DERL1: variants seen among roughly 807,000 people sequenced by gnomAD.
DERL1 encodes derlin 1, also known as derlin-1.
In DERL1, 24 loss-of-function variants were observed where a neutral mutation model predicts 41.6. That is an observed-to-expected ratio of 0.58 (90% confidence interval 0.42 to 0.81). The LOEUF is 0.81. DERL1 is among the 30% of genes least tolerant of loss of function. The pLI, the probability that DERL1 is intolerant of heterozygous loss-of-function variation, is 0.00. For synonymous variants in DERL1, 124 were observed against 112.5 expected, an observed-to-expected ratio of 1.10 and a Z score of -0.65; for missense variants, 260 against 314.3, an observed-to-expected ratio of 0.83 and a Z score of 1.31.
At chr8:123,030,476 A>G in intron 2 of DERL1, 129 bp downstream of exon 2, 1 of 638,294 alleles carries the variant, frequency 1.6e-6, no homozygotes, top group Non-Finnish European at 2.7e-6. Flanking sequence ...TGGCACAGTC[A>G]CTAAGCATTT....
intron 7 of DERL1, chr8:123,018,966 A>G: frequency 1.9e-6 from 1 of 525,128 alleles, no homozygotes; most frequent in Non-Finnish European, 3.4e-6. Flanking sequence ...TAATGTTGGA[A>G]TCTAGTTGTC....
rs1262298284 is a variant in DERL1, at chr8:123,015,534, G to A, written c.669C>T (p.Pro223=). ...RRGGVSGFGV[P]PASMRRAADQ... The stretch of plus-strand genomic sequence containing the variant: ...CAGCAGCTCGCCTCATGCTAGCAGG[G>A]GGCACACCAAATCCTGATACTCCTC... Residue 223 remains proline (P), a synonymous_variant, in exon 8 of 8, where the codon CCC becomes CCT. Coordinates refer to ENST00000259512, the MANE Select transcript of DERL1 (RefSeq NM_024295.6). The A allele has an allele frequency of 1.9e-6, 3 of 1,612,496 alleles. No homozygotes were observed. Among genetic ancestry groups the A allele is most frequent in the Non-Finnish European group, 2.5e-6 (3 of 1,179,458 alleles).
intron 7 of DERL1, 180 bp downstream of exon 7, chr8:123,019,015 A>G: frequency 1.6e-6 from 1 of 632,306 alleles, no homozygotes; most frequent in Non-Finnish European, 2.9e-6. Context: ...AAGGCAACTG[A>G]GCCTAAGCTT....
In DERL1 at chr8:123,036,908, T is replaced by C. The variant is rs56000719; in HGVS notation, c.153+5062A>G. Among the ~76,000 whole-genome samples, 1,060 of 152,318 alleles carry C rather than the reference T, an allele frequency of 7.0e-3. 8 individuals carry two copies. The highest frequency in any genetic ancestry group is 9.2e-3 in the Non-Finnish European group (626 of 68,036). On this transcript the variant is annotated intron_variant, in intron 1 of 7. Coordinates refer to ENST00000259512, the MANE Select transcript of DERL1 (RefSeq NM_024295.6). Reference sequence around the variant, plus strand: ...TATATAAGCAAAAGCTTGGCAAATATAAGCACAAGGCTGAGTCACAGAATT... The same window carrying C: ...TATATAAGCAAAAGCTTGGCAAATACAAGCACAAGGCTGAGTCACAGAATT...
chr8:123,041,139 C>A (rs1709806905), intron 1 of DERL1, among the ~76,000 whole-genome samples: 1 of 152,110 alleles, frequency 6.6e-6, no homozygotes, highest in Non-Finnish European at 1.5e-5. Context: ...AGATAAGGAA[C>A]CAGCAAAGGA....
intron 7 of DERL1, 125 bp downstream of exon 7, chr8:123,019,070 G>C (rs137946666): frequency 1.9e-4 from 136 of 716,286 alleles, no homozygotes; most frequent in Non-Finnish European, 3.0e-4. Context: ...TAAGTCACTT[G>C]TTGCCTCAGG....
chr8:123,037,615 T>C (rs1234169255), intron 1 of DERL1, among the ~76,000 whole-genome samples: 2 of 152,238 alleles, frequency 1.3e-5, no homozygotes, highest in African/African-American at 2.4e-5. Context: ...TTTGCTATGA[T>C]TGATTTGGAA....
At chr8:123,019,101 TA>T in intron 7 of DERL1, 93 bp downstream of exon 7, 1 of 840,826 alleles carries the variant, frequency 1.2e-6, no homozygotes, top group Non-Finnish European at 2.0e-6. Context: ...AGATGGGGCA[TA>T]GGGGTAAATC....
At chr8:123,041,388 C>A (rs969132984) in intron 1 of DERL1, among the ~76,000 whole-genome samples, 1 of 152,222 alleles carries the variant, frequency 6.6e-6, no homozygotes, top group South Asian at 2.1e-4. Flanking sequence ...CATTTCTGGA[C>A]AAATGTACTC....
intron 3 of DERL1, 81 bp downstream of exon 3, chr8:123,024,905 G>A (rs757098375): frequency 2.1e-5 from 29 of 1,411,734 alleles, no homozygotes; most frequent in African/African-American, 5.8e-5. Context: ...AATTTGAAAC[G>A]TTTACAGAAT....
chr8:123,028,886 G>A (rs1812760918), intron 2 of DERL1, among the ~76,000 whole-genome samples: 1 of 152,100 alleles, frequency 6.6e-6, no homozygotes, highest in Admixed American at 6.6e-5. Flanking sequence ...GGGCAACATG[G>A]TGAAACCCCA....
intron 1 of DERL1, among the ~76,000 whole-genome samples, chr8:123,041,437 G>GA (rs1813063369): frequency 6.6e-6 from 1 of 152,202 alleles, no homozygotes; most frequent in Non-Finnish European, 1.5e-5. Flanking sequence ...CTACGTGGGG[G>GA]ACACTAAATT....
rs1812617674 is a variant in DERL1, at chr8:123,023,693, T to C, written c.357+20A>G. On this transcript the variant is annotated intron_variant, in intron 4 of 7. Transcript: ENST00000259512. ...TGAAACAAATAAAAGGGCAAATAGA[T>C]AGTTTAAATGGACACTTACCTGCAT... is the stretch of plus-strand genomic sequence containing the variant. 3.7e-6 allele frequency: 6 copies of C among 1,601,752 alleles called. No individual in the cohort carries two copies. Among genetic ancestry groups the C allele is most frequent in the Non-Finnish European group, 5.1e-6 (6 of 1,174,290 alleles).
intron 1 of DERL1, among the ~76,000 whole-genome samples, chr8:123,033,711 C>A (rs894819412): frequency 6.6e-6 from 1 of 152,194 alleles, no homozygotes; most frequent in Non-Finnish European, 1.5e-5. Flanking sequence ...ACACTGCACT[C>A]CAGCCTGGGC....
intron 7 of DERL1, 29 bp from the exon 8 acceptor site, chr8:123,015,614 G>T (rs1473678224): frequency 3.8e-6 from 6 of 1,598,516 alleles, no homozygotes; most frequent in Non-Finnish European, 5.1e-6. Context: ...GACACAAACG[G>T]AGAGAAGAGA....
At position 123,013,832 on chromosome 8, in the gene DERL1, A is replaced by G. The variant is rs938699678; in HGVS notation, c.*1615T>C. ...TTTATTGTGGCCACAGATGAACAAC[A>G]AAACATGACAGTTAAGGTTCAGACT... On this transcript the variant is annotated 3_prime_UTR_variant, in exon 8 of 8. Coordinates refer to ENST00000259512, the MANE Select transcript of DERL1 (RefSeq NM_024295.6). 4 of 152,196 alleles carry G rather than the reference A, an allele frequency of 2.6e-5. No individual in the cohort carries two copies. Among genetic ancestry groups the G allele is most frequent in the Non-Finnish European group, 4.4e-5 (3 of 68,042 alleles). 9.4% of individuals were successfully genotyped at this position (152,196 alleles called of 1,614,324 possible).
intron 6 of DERL1, among the ~76,000 whole-genome samples, chr8:123,021,127 C>T (rs915156241): frequency 2.6e-5 from 4 of 152,112 alleles, no homozygotes; most frequent in African/African-American, 4.8e-5. Flanking sequence ...CTTAGAGGAG[C>T]CAACTCAGAC....
chr8:123,037,928 C>CT (rs1183587975), intron 1 of DERL1, among the ~76,000 whole-genome samples: 1 of 152,154 alleles, frequency 6.6e-6, no homozygotes, highest in Admixed American at 6.5e-5. Context: ...ATTGCCACCT[C>CT]TTGTGTAGTT....
chr8:123,027,034 G>A (rs757432221), intron 2 of DERL1, among the ~76,000 whole-genome samples: 18 of 152,050 alleles, frequency 1.2e-4, no homozygotes, highest in Non-Finnish European at 1.8e-4. Flanking sequence ...AGTGGCTCAC[G>A]CCTGTAGTAC....
Sources: gnomAD v4.1 joint callset for allele counts (sites outside exome capture counted in the v4.1 genomes callset) on GRCh38, gnomAD v4.1.1 for gene constraint, MANE v1.5 for transcripts, NCBI Gene and HGNC (gene_info 2026-07-23, HGNC 2026-07-21) for gene names.